Variants in PCDH15 observed in about 807,000 individuals in gnomAD.
PCDH15 encodes the protein protocadherin-15.
A neutral mutation model predicts 178.5 loss-of-function variants in PCDH15; 129 were observed. The ratio of observed to expected loss-of-function variants is 0.72; its 90% CI spans 0.63 to 0.84. The LOEUF is 0.84. Among genes scored for constraint, PCDH15 ranks in the 40% least tolerant of loss-of-function variants. The pLI is 0.00. For missense variants in PCDH15, 2,230 were observed against 2,099.9 expected (o/e 1.06, Z -1.21); for synonymous variants, 800 against 732.0 (o/e 1.09, Z -1.50).
rs146864566 is a variant in PCDH15, at chr10:54,277,743, A to G, written c.876+39528T>C. Among the ~76,000 whole-genome samples the G allele has an allele frequency of 9.8e-4, 149 of 151,752 alleles. 2 individuals carry two copies. The East Asian group carries it at 0.024, about 24-fold the overall frequency. On this transcript the variant is annotated intron_variant, in intron 8 of 37. Coordinates refer to ENST00000644397, the MANE Select transcript of PCDH15 (RefSeq NM_001384140.1). ...ATTTAACAAGACTTTATAAGGGAAC[A>G]TGAAGTCAGAGAAGGGGGCAAAACA...
chr10:54,954,978 A>G (rs1343761114), intron 2 of PCDH15, among the ~76,000 whole-genome samples: 1 of 151,318 alleles, frequency 6.6e-6, no homozygotes, highest in Admixed American at 6.6e-5. Context: ...AATGAAATGT[A>G]TGAAAGATAG....
chr10:55,256,401 G>A (rs1021319397), intron 1 of PCDH15, among the ~76,000 whole-genome samples: 26 of 152,296 alleles, frequency 1.7e-4, no homozygotes, highest in East Asian at 3.9e-4. Context: ...GCAGCACACC[G>A]AGCATGAGCC....
intron 1 of PCDH15, among the ~76,000 whole-genome samples, chr10:54,686,784 C>G (rs557500921): frequency 1.3e-5 from 2 of 151,990 alleles, no homozygotes; most frequent in Non-Finnish European, 2.9e-5. Context: ...GGTACTATAT[C>G]AAACTAAAAA....
At position 55,040,877 on chromosome 10, in the gene PCDH15, G is replaced by C. The variant is rs141941621; in HGVS notation, c.-80+125699C>G. Among the ~76,000 whole-genome samples the C allele has an allele frequency of 6.6e-5, 10 of 151,946 alleles. No individual in the cohort carries two copies. In the East Asian group the frequency reaches 1.9e-3, roughly 29 times the overall value. ...TCTACTTTATTTGTATCTGCAGAGA[G>C]AGATGAGATAAACATTGTGAAGTAA... On this transcript the variant is annotated intron_variant, in intron 2 of 5. Coordinates refer to the PCDH15 transcript ENST00000458638.
intron 10 of PCDH15, among the ~76,000 whole-genome samples, chr10:54,207,872 T>C (rs1408239561): frequency 6.6e-6 from 1 of 152,226 alleles, no homozygotes; most frequent in South Asian, 2.1e-4. Flanking sequence ...TTTAGTGATA[T>C]GTTCAAATTT....
At chr10:55,373,692 C>T (rs1845557123) in intron 2 of PCDH15, among the ~76,000 whole-genome samples, 1 of 152,002 alleles carries the variant, frequency 6.6e-6, no homozygotes, top group African/African-American at 2.4e-5. Context: ...TAGACTTGTA[C>T]ATGGAGGCTT....
intron 3 of PCDH15, among the ~76,000 whole-genome samples, chr10:54,399,911 C>T (rs1951725619): frequency 6.6e-6 from 1 of 152,092 alleles, no homozygotes; most frequent in Non-Finnish European, 1.5e-5. Context: ...AAAATCAGAC[C>T]TAGAGAGTAC....
chr10:54,062,496 C>G (rs1043826836), intron 18 of PCDH15, among the ~76,000 whole-genome samples: 3 of 151,728 alleles, frequency 2.0e-5, no homozygotes, highest in Admixed American at 2.0e-4. Context: ...AGGTAGCAAC[C>G]ATTATGAGCA....
intron 15 of PCDH15, among the ~76,000 whole-genome samples, chr10:54,127,386 T>C (rs1220917966): frequency 6.6e-6 from 1 of 152,220 alleles, no homozygotes; most frequent in East Asian, 1.9e-4. Flanking sequence ...TCGTAAGTGA[T>C]TGTTCTTTTC....
intron 21 of PCDH15, among the ~76,000 whole-genome samples, chr10:53,984,114 G>A (rs1035773613): frequency 6.7e-5 from 9 of 133,654 alleles, no homozygotes; most frequent in Non-Finnish European, 3.1e-5. Context: ...ACATTTCTAA[G>A]TGCTTTTCTT....
intron 2 of PCDH15, among the ~76,000 whole-genome samples, chr10:55,039,412 A>G (rs916563085): frequency 2.0e-5 from 3 of 152,160 alleles, no homozygotes; most frequent in African/African-American, 4.8e-5. Flanking sequence ...TTGAAGAATG[A>G]TGCAAATTCT....
chr10:54,988,207 G>A (rs1839417606), intron 2 of PCDH15, among the ~76,000 whole-genome samples: 1 of 152,100 alleles, frequency 6.6e-6, no homozygotes, highest in South Asian at 2.1e-4. Context: ...TCTCTTTTCT[G>A]TTCCCTTGGT....
chr10:55,080,886 G>T (rs74879474), intron 2 of PCDH15, among the ~76,000 whole-genome samples: 1 of 152,116 alleles, frequency 6.6e-6, no homozygotes, highest in Non-Finnish European at 1.5e-5. Context: ...TTTCAGGCTT[G>T]CCCACCTCCA....
At chr10:54,339,882 T>A (rs531135249) in intron 6 of PCDH15, among the ~76,000 whole-genome samples, 39 of 152,180 alleles carry the variant, frequency 2.6e-4, no homozygotes, top group Non-Finnish European at 5.3e-4. Context: ...TAATCTCTGA[T>A]GTTTCCTCCT....
chr10:55,028,315 A>G (rs957821181), intron 2 of PCDH15, among the ~76,000 whole-genome samples: 5 of 151,926 alleles, frequency 3.3e-5, no homozygotes, highest in Admixed American at 6.6e-5. Flanking sequence ...TAAAGAAAAT[A>G]AAAAGTAAGT....
intron 1 of PCDH15, among the ~76,000 whole-genome samples, chr10:54,780,069 T>C (rs549904765): frequency 4.6e-5 from 7 of 152,122 alleles, no homozygotes; most frequent in Non-Finnish European, 1.0e-4. Context: ...GAATTCTATA[T>C]AGAATTACAA....
In PCDH15 at chr10:55,200,087, C is replaced by A. The variant is rs531376723; in HGVS notation, c.-155-33436G>T. ...GGCTTGTGGACCTGTAAGAAGAGGG[C>A]TACCATCCTCTAGACTCAGAATGGT... On this transcript the variant is annotated intron_variant, in intron 1 of 5. Coordinates refer to the PCDH15 transcript ENST00000458638. Among the ~76,000 whole-genome samples, 12 of 152,188 alleles carry A rather than the reference C, an allele frequency of 7.9e-5. No homozygotes were observed. The South Asian group carries it at 8.3e-4, about 11-fold the overall frequency.
chr10:55,560,188 T>G (rs1036399473), intron 2 of PCDH15, among the ~76,000 whole-genome samples: 1 of 151,878 alleles, frequency 6.6e-6, no homozygotes, highest in African/African-American at 2.4e-5. Flanking sequence ...AAAAAATGTA[T>G]AGTGATTTTC....
chr10:54,570,817 A>AAT (rs571170500), intron 2 of PCDH15, among the ~76,000 whole-genome samples: 40 of 9,978 alleles, frequency 4.0e-3, no homozygotes, highest in Middle Eastern at 0.083. Flanking sequence ...ACGCCTGGCT[A>AAT]TTTTTTTTTT....
Sources: allele counts gnomAD v4.1 joint callset (sites outside exome capture counted in the v4.1 genomes callset), GRCh38; gene constraint gnomAD v4.1.1; transcripts MANE v1.5; gene names NCBI Gene and HGNC (gene_info 2026-07-23, HGNC 2026-07-21).